SNRPN: variants seen among roughly 807,000 people sequenced by gnomAD.
SNRPN encodes the protein small nuclear ribonucleoprotein-associated protein N.
Under a neutral mutation model 25.2 loss-of-function variants are expected in SNRPN, and 7 were observed. That is an observed-to-expected ratio of 0.28 (90% CI 0.16 to 0.52). The LOEUF is 0.52. SNRPN is among the 20% of genes least tolerant of loss of function. SNRPN has a pLI of 0.96. For synonymous variants in SNRPN, 124 were observed against 110.6 expected (o/e 1.12, Z -0.76); for missense variants, 196 against 322.5 (o/e 0.61, Z 3.00).
chr15:24,951,618 C>T (rs987763623), upstream of SNRPN, among the ~76,000 whole-genome samples: 3 of 151,898 alleles, frequency 2.0e-5, no homozygotes, highest in African/African-American at 2.4e-5. Context: ...AGGGATTCTC[C>T]TGCCTCAGCC....
At chr15:24,828,434 G>A (rs764657430) in intron 1 of SNRPN, among the ~76,000 whole-genome samples, 1 of 152,048 alleles carries the variant, frequency 6.6e-6, no homozygotes, top group African/African-American at 2.4e-5. Flanking sequence ...CAGCTATTGT[G>A]ATAAAATTTG....
At chr15:24,955,701 C>T (rs2062729710) in intron 1 of SNRPN, among the ~76,000 whole-genome samples, 2 of 143,258 alleles carry the variant, frequency 1.4e-5, no homozygotes, top group African/African-American at 2.6e-5. Flanking sequence ...TGTTGGTGGT[C>T]GCGGCGCGGG....
intron 3 of SNRPN, among the ~76,000 whole-genome samples, chr15:24,930,464 A>G (rs897188835): frequency 1.3e-5 from 2 of 151,450 alleles, no homozygotes; most frequent in Non-Finnish European, 2.9e-5. Context: ...ATTAGAACTC[A>G]GCTTTGCTGG....
Position 24,827,515 on chromosome 15 carries a change from C to CAA in SNRPN, c.-686-2264_-686-2263dup, listed in dbSNP as rs58393593. 4.2e-3 allele frequency among the ~76,000 whole-genome samples: 409 copies of CAA among 96,766 alleles called. 2 individuals carry two copies. The highest frequency in any genetic ancestry group is 0.015 in the African/African-American group (376 of 25,206). 63.5% of individuals were successfully genotyped at this position (96,766 alleles called of 152,430 possible). A position where few individuals can be genotyped will look rare whatever the true frequency, so the allele number is the denominator to read the frequency against. ...TGGGTGAAAGAGCGAGACTCTGTCT[C>CAA]AAAAAAAAAAAAAAAAAAAAGAAAC... On this transcript the variant is annotated intron_variant, in intron 1 of 12. Coordinates refer to the SNRPN transcript ENST00000400100.
Position 24,916,745 on chromosome 15 carries a change from G to A in SNRPN, c.-504-3266G>A, listed in dbSNP as rs117109044. Among the ~76,000 whole-genome samples the A allele has an allele frequency of 3.3e-4, 51 of 152,258 alleles. No individual in the cohort carries two copies. The East Asian group carries it at 7.3e-3, about 22-fold the overall frequency. ...GAAATTTTAATTAAGAATTGTGTAC[G>A]GAGTTGGTTCCTTCCGGTGGGTTTG... On this transcript the variant is annotated intron_variant, in intron 2 of 11. Transcript: ENST00000400097.
intron 2 of SNRPN, among the ~76,000 whole-genome samples, chr15:24,913,915 G>T (rs2059368373): frequency 1.3e-5 from 2 of 152,152 alleles, no homozygotes; most frequent in African/African-American, 4.8e-5. Flanking sequence ...AAAAGATAAA[G>T]AAAAAGGAGA....
chr15:24,914,592 C>T (rs1160437198), intron 2 of SNRPN, among the ~76,000 whole-genome samples: 3 of 152,044 alleles, frequency 2.0e-5, no homozygotes, highest in Admixed American at 1.3e-4. Context: ...CCTATCCTTA[C>T]AAGCTTCAGT....
chr15:24,950,281 A>T (rs989325435), upstream of SNRPN, among the ~76,000 whole-genome samples: 9 of 151,280 alleles, frequency 5.9e-5, no homozygotes, highest in African/African-American at 1.7e-4. Flanking sequence ...GGTTCAAGCG[A>T]TTCTCCCACC....
chr15:24,922,472 A>T (rs1020534130), intron 3 of SNRPN, among the ~76,000 whole-genome samples: 1 of 152,180 alleles, frequency 6.6e-6, no homozygotes, highest in African/African-American at 2.4e-5. Flanking sequence ...ATCATCTAAT[A>T]CCCAAGTCAA....
At chr15:24,927,476 A>ATTTTTTTT (rs71127023) in intron 3 of SNRPN, among the ~76,000 whole-genome samples, 1 of 25,088 alleles carries the variant, frequency 4.0e-5, no homozygotes, top group African/African-American at 1.5e-4. Context: ...AAGTTTTTAA[A>ATTTTTTTT]TTTTTTTTTT....
At chr15:24,951,631 C>T (rs2062283087), upstream of SNRPN, among the ~76,000 whole-genome samples, 1 of 151,958 alleles carries the variant, frequency 6.6e-6, no homozygotes, top group Non-Finnish European at 1.5e-5. Flanking sequence ...CCTCAGCCTC[C>T]CGAGTAGCTG....
intron 2 of SNRPN, among the ~76,000 whole-genome samples, chr15:24,898,356 G>T (rs776874013): frequency 6.6e-6 from 1 of 152,146 alleles, no homozygotes; most frequent in Non-Finnish European, 1.5e-5. Context: ...TTGGGAGGCC[G>T]AGGCAGGCGG....
At chr15:24,936,368 G>A (rs562782650) in intron 3 of SNRPN, among the ~76,000 whole-genome samples, 3 of 152,144 alleles carry the variant, frequency 2.0e-5, no homozygotes, top group Admixed American at 6.6e-5. Context: ...TAGGGATGGC[G>A]GTGCTGAACT....
At chr15:24,876,917 CA>C (rs1294508364) in intron 1 of SNRPN, among the ~76,000 whole-genome samples, 1 of 152,022 alleles carries the variant, frequency 6.6e-6, no homozygotes, top group Non-Finnish European at 1.5e-5. Context: ...AAATATATAC[CA>C]GGGCTAGATT....
intron 2 of SNRPN, among the ~76,000 whole-genome samples, chr15:24,832,635 A>G (rs926764830): frequency 1.3e-5 from 2 of 151,950 alleles, no homozygotes; most frequent in Admixed American, 1.3e-4. Context: ...TTTCCACGCA[A>G]TGGAAGGTTT....
At chr15:24,879,585 G>A (rs1024502473) in intron 1 of SNRPN, among the ~76,000 whole-genome samples, 2 of 152,216 alleles carry the variant, frequency 1.3e-5, no homozygotes, top group African/African-American at 4.8e-5. Context: ...TAGTGGCGAA[G>A]TGTGAATACA....
Position 24,875,914 on chromosome 15 carries a change from C to T in SNRPN, c.-578-10602C>T, listed in dbSNP as rs147674992. ...ACCAAAAATACAAAAACTAGCCAGA[C>T]ATGGTGGCACATGCCTGCAGTCCTA... On this transcript the variant is annotated intron_variant, in intron 1 of 11. Coordinates refer to the SNRPN transcript ENST00000400097. Among the ~76,000 whole-genome samples the T allele has an allele frequency of 4.6e-3, 699 of 151,908 alleles. 5 individuals carry two copies. The highest frequency in any genetic ancestry group is 0.02 in the Middle Eastern group (6 of 294).
chr15:24,899,576 T>C (rs1220402591), intron 2 of SNRPN, among the ~76,000 whole-genome samples: 1 of 152,200 alleles, frequency 6.6e-6, no homozygotes, highest in African/African-American at 2.4e-5. Context: ...AACAATGGCT[T>C]TTCTAGCATC....
intron 2 of SNRPN, chr15:24,911,167 A>C (rs28491088): frequency 0.16 from 83,107 of 515,910 alleles, 7,417 homozygotes; most frequent in East Asian, 0.31. Flanking sequence ...GGGCCAAAGA[A>C]AATTATTTTT....
Sources: allele counts gnomAD v4.1 joint callset (sites outside exome capture counted in the v4.1 genomes callset), GRCh38; gene constraint gnomAD v4.1.1; transcripts MANE v1.5; gene names NCBI Gene and HGNC (gene_info 2026-07-23, HGNC 2026-07-21).